NRN1: variants seen among roughly 807,000 people sequenced by gnomAD.
NRN1 encodes the protein neuritin 1, also known as neuritin.
Under a neutral mutation model 15.0 loss-of-function variants are expected in NRN1, and 4 were observed. The ratio of observed to expected loss-of-function variants is 0.27; its 90% confidence interval spans 0.13 to 0.61. The LOEUF (loss-of-function observed/expected upper bound fraction) is 0.61, where lower values mean the gene tolerates loss of function less well. Among genes scored for constraint, NRN1 ranks in the 20% least tolerant of loss-of-function variants. NRN1 has a pLI of 0.87. For synonymous variants in NRN1, 85 were observed against 79.8 expected, an observed-to-expected ratio of 1.07 and a Z score of -0.35; for missense variants, 134 against 181.9, an observed-to-expected ratio of 0.74 and a Z score of 1.51.
Position 6,005,255 on chromosome 6 carries a change from T to C in NRN1, c.55+1440A>G, listed in dbSNP as rs562034269. Among the ~76,000 whole-genome samples, 47 of 152,298 alleles carry C rather than the reference T, an allele frequency of 3.1e-4. 1 individual carries two copies. The highest frequency in any genetic ancestry group is 1.1e-3 in the African/African-American group (45 of 41,562). On this transcript the variant is annotated intron_variant, in intron 1 of 2. Coordinates refer to ENST00000244766, the MANE Select transcript of NRN1 (RefSeq NM_016588.3). ...CTCCTGCTCTCTAAAAATTCAAAGGTTTATTGCAAAATGCCACATTCACTT... is the reference window on the plus strand; with the variant it reads ...CTCCTGCTCTCTAAAAATTCAAAGGCTTATTGCAAAATGCCACATTCACTT...
intron 2 of NRN1, among the ~76,000 whole-genome samples, chr6:6,001,208 C>T (rs1757936699): frequency 6.6e-6 from 1 of 152,132 alleles, no homozygotes; most frequent in Admixed American, 6.5e-5. Context: ...AAACAAACAC[C>T]CGTCCTTCCA....
In NRN1 at chr6:6,006,850, G is replaced by A. The variant is rs187738098; in HGVS notation, c.-101C>T. The stretch of plus-strand genomic sequence containing the variant: ...AATAGGCATTGCCAACAAGTTCCGG[G>A]AGCGACAGAGACTTTATGCACTGGG... On this transcript the variant is annotated 5_prime_UTR_variant, in exon 1 of 3. Coordinates refer to ENST00000244766, the MANE Select transcript of NRN1 (RefSeq NM_016588.3). 5.1e-3 allele frequency: 5,058 copies of A among 997,360 alleles called. 22 individuals carry two copies. The highest frequency in any genetic ancestry group is 7.3e-3 in the Non-Finnish European group (4,540 of 621,902). 61.8% of individuals were successfully genotyped at this position (997,360 alleles called of 1,614,324 possible).
rs1306285598 is a variant in NRN1, at chr6:5,998,513, T to A, written c.*463A>T. Reference sequence around the variant, plus strand: ...GTGAGCGTGAATTATTCACCGTATGTTTCGTCCGTGGACATCTCTCTTGAA... The same window carrying A: ...GTGAGCGTGAATTATTCACCGTATGATTCGTCCGTGGACATCTCTCTTGAA... On this transcript the variant is annotated 3_prime_UTR_variant, in exon 3 of 3. Coordinates refer to ENST00000244766, the MANE Select transcript of NRN1 (RefSeq NM_016588.3). 3 of 154,254 alleles carry A rather than the reference T, an allele frequency of 1.9e-5. No homozygotes were observed. Among genetic ancestry groups the A allele is most frequent in the African/African-American group, 7.2e-5 (3 of 41,462 alleles). The allele number at this position is 154,254 out of a possible 1,614,324, so 9.6% of individuals were successfully genotyped here.
chr6:6,001,037 G>C (rs1006594550), intron 2 of NRN1, among the ~76,000 whole-genome samples: 1 of 152,170 alleles, frequency 6.6e-6, no homozygotes, highest in African/African-American at 2.4e-5. Context: ...TATCCTTATA[G>C]ATATACATTC....
intron 1 of NRN1, among the ~76,000 whole-genome samples, chr6:6,003,447 A>G (rs564380320): frequency 1.3e-5 from 2 of 152,010 alleles, no homozygotes; most frequent in South Asian, 2.1e-4. Context: ...GCCCGCCTAC[A>G]CTCCGGACGG....
chr6:6,001,571 T>A (rs544936874), intron 2 of NRN1, among the ~76,000 whole-genome samples: 1 of 152,236 alleles, frequency 6.6e-6, no homozygotes, highest in South Asian at 2.1e-4. Flanking sequence ...CTCTTTACCT[T>A]TGAAGCTGTC....
In NRN1 at chr6:6,002,505, G is replaced by A. The variant is rs754882688; in HGVS notation, c.56-8C>T. 12 of 1,612,220 alleles carry A rather than the reference G, an allele frequency of 7.4e-6. No homozygotes were observed. Among genetic ancestry groups the A allele is most frequent in the South Asian group, 1.1e-5 (1 of 91,056 alleles). The stretch of plus-strand genomic sequence containing the variant: ...CGGCCTGCACCAGATACGCTGCGGG[G>A]AGGAGGGAACACCGGTCAGCAGCGC... On this transcript the variant is annotated splice_polypyrimidine_tract_variant and splice_region_variant and intron_variant, in intron 1 of 2. Coordinates refer to ENST00000244766, the MANE Select transcript of NRN1 (RefSeq NM_016588.3).
chr6:6,002,947 C>A (rs1757998719), intron 1 of NRN1: 4 of 404,252 alleles, frequency 9.9e-6, no homozygotes, highest in Middle Eastern at 5.1e-4. Context: ...CAGAAGGGGT[C>A]TCGGCTGCAG....
In NRN1 at chr6:5,999,116, C is replaced by A; in HGVS notation, c.289G>T (p.Glu97Ter). The A allele has an allele frequency of 6.2e-7, 1 of 1,614,180 alleles. No individual in the cohort carries two copies. The highest frequency in any genetic ancestry group is 8.5e-7 in the Non-Finnish European group (1 of 1,180,022). The change falls in exon 3 of 3, where the codon GAA becomes TAA. Residue 97 changes from glutamate (E) to a stop codon, truncating the protein, a stop_gained. Transcript: ENST00000244766. LOFTEE classifies it high-confidence loss of function. Reference sequence around the variant, plus strand: ...CCTTGGATGTTGAGGTTTTTGGATTCTTTTCTCAGTTTATCCCACATATCT... The same window carrying A: ...CCTTGGATGTTGAGGTTTTTGGATTATTTTCTCAGTTTATCCCACATATCT... ...AKDMWDKLRK[E>*]SKNLNIQGSL...
At chr6:6,007,066 A>AT (rs544210054), upstream of NRN1, 624 of 327,170 alleles carry the variant, frequency 1.9e-3, no homozygotes, top group South Asian at 4.6e-3. Flanking sequence ...ACACGGAATG[A>AT]TTTTTTTTTT....
At chr6:6,000,722 C>CTTTT (rs55712329) in intron 2 of NRN1, among the ~76,000 whole-genome samples, 3,145 of 60,754 alleles carry the variant, frequency 0.052, 574 homozygotes, top group African/African-American at 0.08. Context: ...CTAAATTGCT[C>CTTTT]TTTTTTTTTT....
intron 2 of NRN1, 67 bp downstream of exon 2, chr6:6,002,286 C>T (rs1468878023): frequency 1.3e-6 from 2 of 1,571,600 alleles, no homozygotes; most frequent in South Asian, 1.1e-5. Context: ...GGCGGGGAGG[C>T]TCGGCACTCT....
chr6:6,004,044 A>G (rs1758041386), intron 1 of NRN1: 3 of 1,169,796 alleles, frequency 2.6e-6, no homozygotes, highest in Non-Finnish European at 3.2e-6. Flanking sequence ...CCGAACCCGT[A>G]GCAGCTTCCG....
In NRN1 at chr6:5,999,054, C is replaced by T. The variant is rs760207074; in HGVS notation, c.351G>A (p.Ala117=). Reference sequence around the variant, plus strand: ...GGAACGCCGGGAGCAGGGACCCCGCCGCCCCGTTGCCGCTGCCGCAGAGTT... The same window carrying T: ...GGAACGCCGGGAGCAGGGACCCCGCTGCCCCGTTGCCGCTGCCGCAGAGTT... The part of the protein sequence containing the change: ...LFELCGSGNG[A]AGSLLPAFPV... Residue 117 remains alanine, a synonymous_variant, in exon 3 of 3, where the codon GCG becomes GCA. Coordinates refer to ENST00000244766, the MANE Select transcript of NRN1 (RefSeq NM_016588.3). 3 of 1,614,020 alleles carry T rather than the reference C, an allele frequency of 1.9e-6. No individual in the cohort carries two copies. The highest frequency in any genetic ancestry group is 2.7e-5 in the African/African-American group (2 of 75,060).
At chr6:5,999,948 G>T (rs1757893561) in intron 2 of NRN1, among the ~76,000 whole-genome samples, 1 of 152,088 alleles carries the variant, frequency 6.6e-6, no homozygotes, top group African/African-American at 2.4e-5. Context: ...CCCCGGGGTC[G>T]GTGAGTGTTA....
chr6:5,998,961 G>C lies in NRN1; in HGVS notation c.*15C>G. 1.3e-6 allele frequency: 2 copies of C among 1,590,828 alleles called. No individual in the cohort carries two copies. The highest frequency in any genetic ancestry group is 1.7e-5 in the Admixed American group (1 of 58,730). On this transcript the variant is annotated 3_prime_UTR_variant, in exon 3 of 3. Transcript: ENST00000244766. ...GTGAGTGTGGGTGGGCGCGCGGGGG[G>C]AGCTGGCCCCACGCTCAGAAGGAAA...
chr6:6,000,462 G>C (rs1475357218), intron 2 of NRN1, among the ~76,000 whole-genome samples: 1 of 152,174 alleles, frequency 6.6e-6, no homozygotes, highest in Non-Finnish European at 1.5e-5. Context: ...CCCGGGCCTT[G>C]AGCACCAGGT....
intron 1 of NRN1, 85 bp from the exon 2 acceptor site, chr6:6,002,582 C>T: frequency 6.5e-7 from 1 of 1,533,512 alleles, no homozygotes; most frequent in African/African-American, 1.4e-5. Flanking sequence ...CCTGGCTCCG[C>T]GCGGCCTCAT....
chr6:6,003,220 G>A (rs371837189), intron 1 of NRN1: 1 of 1,234,354 alleles, frequency 8.1e-7, no homozygotes, highest in East Asian at 3.2e-5. Flanking sequence ...CTCCCGCCCC[G>A]CTGGAAAGAG....
Sources: gnomAD v4.1 joint callset for allele counts (sites outside exome capture counted in the v4.1 genomes callset) on GRCh38, gnomAD v4.1.1 for gene constraint, MANE v1.5 for transcripts, NCBI Gene and HGNC (gene_info 2026-07-23, HGNC 2026-07-21) for gene names.